Variants in ERBB4 observed in about 807,000 individuals in gnomAD.
The protein encoded by ERBB4 is receptor tyrosine-protein kinase erbB-4.
Under a neutral mutation model 158.0 loss-of-function variants are expected in ERBB4, and 42 were observed. That is an observed-to-expected ratio of 0.27 (90% confidence interval 0.21 to 0.34). ERBB4 has a LOEUF of 0.34. Ranked by LOEUF, ERBB4 falls within the 10% of genes least tolerant of loss-of-function variation. ERBB4 has a pLI of 1.00. For synonymous variants in ERBB4, 583 were observed against 558.7 expected, an observed-to-expected ratio of 1.04 and a Z score of -0.61; for missense variants, 1,333 against 1,624.1, an observed-to-expected ratio of 0.82 and a Z score of 3.08.
intron 3 of ERBB4, among the ~76,000 whole-genome samples, chr2:211,876,548 T>C (rs749274300): frequency 1.3e-5 from 2 of 152,192 alleles, no homozygotes; most frequent in Non-Finnish European, 2.9e-5. Context: ...TCATAGAGAC[T>C]GTGTGTTCGG....
At chr2:211,950,572 C>G in intron 2 of ERBB4, among the ~76,000 whole-genome samples, 1 of 152,086 alleles carries the variant, frequency 6.6e-6, no homozygotes, top group East Asian at 1.9e-4. Context: ...TCTTTCCCCC[C>G]AGTCACACAA....
At chr2:211,848,444 A>G (rs575247324) in intron 3 of ERBB4, among the ~76,000 whole-genome samples, 1 of 152,192 alleles carries the variant, frequency 6.6e-6, no homozygotes, top group East Asian at 1.9e-4. Flanking sequence ...AAATGACACA[A>G]GTCCATTGCT....
chr2:211,835,225 T>C (rs1404849416), intron 3 of ERBB4, among the ~76,000 whole-genome samples: 2 of 152,102 alleles, frequency 1.3e-5, no homozygotes, highest in Admixed American at 1.3e-4. Context: ...TCTTCAAAAG[T>C]TACGCAAAGT....
chr2:211,856,733 T>C (rs896986179), intron 3 of ERBB4, among the ~76,000 whole-genome samples: 2 of 152,178 alleles, frequency 1.3e-5, no homozygotes, highest in Non-Finnish European at 2.9e-5. Context: ...AGCAGACTTC[T>C]GGAGACAGTA....
chr2:212,169,811 TC>T (rs1193393421), intron 1 of ERBB4, among the ~76,000 whole-genome samples: 1 of 152,158 alleles, frequency 6.6e-6, no homozygotes, highest in African/African-American at 2.4e-5. Flanking sequence ...GGTTTCTCCT[TC>T]ACACAGCTCT....
At chr2:212,334,168 A>T (rs2088319093) in intron 1 of ERBB4, among the ~76,000 whole-genome samples, 2 of 151,912 alleles carry the variant, frequency 1.3e-5, no homozygotes, top group Non-Finnish European at 2.9e-5. Flanking sequence ...GCTAGAGTCA[A>T]ATTCTATTAA....
intron 19 of ERBB4, among the ~76,000 whole-genome samples, chr2:211,579,829 G>C (rs55790405): frequency 1.8e-4 from 28 of 152,014 alleles, no homozygotes; most frequent in African/African-American, 2.4e-5. Context: ...AGAACATTAG[G>C]AAAAATAGCT....
intron 1 of ERBB4, among the ~76,000 whole-genome samples, chr2:212,378,843 T>A (rs892815947): frequency 6.6e-6 from 1 of 151,854 alleles, no homozygotes; most frequent in Non-Finnish European, 1.5e-5. Flanking sequence ...GTAGTAGGCA[T>A]TGCCATTTAT....
rs186007390 is a variant in ERBB4, at chr2:212,460,484, T to C, written c.82+77965A>G. Among the ~76,000 whole-genome samples, 12 of 152,272 alleles carry C rather than the reference T, an allele frequency of 7.9e-5. No individual in the cohort carries two copies. In the East Asian group the frequency reaches 2.3e-3, roughly 29 times the overall value. On this transcript the variant is annotated intron_variant, in intron 1 of 27. Coordinates refer to ENST00000342788, the MANE Select transcript of ERBB4 (RefSeq NM_005235.3). ...AGGTCCAGGCTGAGGTGGTCTCAGA[T>C]GGAGATGAGGAACTTCTTGGGAACT...
intron 20 of ERBB4, among the ~76,000 whole-genome samples, chr2:211,509,153 G>T (rs989883203): frequency 6.6e-5 from 7 of 106,664 alleles, no homozygotes; most frequent in Non-Finnish European, 6.4e-5. Context: ...TGGACACAGG[G>T]AGGGGGGAGT....
chr2:211,849,451 T>C (rs957765800), intron 3 of ERBB4, among the ~76,000 whole-genome samples: 1 of 151,982 alleles, frequency 6.6e-6, no homozygotes, highest in Non-Finnish European at 1.5e-5. Context: ...TAGTACCCAA[T>C]TATTATAGTA....
At chr2:211,873,185 CAT>C (rs2106120493) in intron 3 of ERBB4, among the ~76,000 whole-genome samples, 1 of 152,222 alleles carries the variant, frequency 6.6e-6, no homozygotes, top group African/African-American at 2.4e-5. Flanking sequence ...CAGCAGATTT[CAT>C]ATCTCTCCCA....
rs546079095 is a variant in ERBB4 at position 212,325,860 on chromosome 2, A to T, written c.83-200957T>A. On this transcript the variant is annotated intron_variant, in intron 1 of 27. Transcript: ENST00000342788. ...GTATACTGACAAACAAATATAGGAA[A>T]CATTTTTTCCATATTATTTTCCAAA... Among the ~76,000 whole-genome samples, 37 of 150,592 alleles carry T rather than the reference A, an allele frequency of 2.5e-4. 4 individuals carry two copies. The highest frequency in any genetic ancestry group is 1.1e-3 in the South Asian group (5 of 4,690).
chr2:212,391,765 T>G (rs2090878787), intron 1 of ERBB4, among the ~76,000 whole-genome samples: 1 of 143,704 alleles, frequency 7.0e-6, no homozygotes, highest in South Asian at 2.1e-4. Context: ...TTGACATATA[T>G]TATATATATG....
chr2:212,257,614 G>A (rs374560634), intron 1 of ERBB4, among the ~76,000 whole-genome samples: 4 of 152,122 alleles, frequency 2.6e-5, no homozygotes, highest in East Asian at 3.9e-4. Context: ...AGTAAGACCC[G>A]AAACTTTAAC....
intron 3 of ERBB4, among the ~76,000 whole-genome samples, chr2:211,887,152 G>A (rs1382894621): frequency 1.3e-5 from 2 of 151,748 alleles, no homozygotes; most frequent in East Asian, 3.9e-4. Flanking sequence ...CCCAAATCAG[G>A]CTCCTGTACC....
At chr2:212,003,678 T>C (rs1202691661) in intron 2 of ERBB4, among the ~76,000 whole-genome samples, 1 of 152,204 alleles carries the variant, frequency 6.6e-6, no homozygotes, top group Non-Finnish European at 1.5e-5. Flanking sequence ...ATGATGAAAC[T>C]TTTTTGTTAA....
chr2:211,849,110 T>C (rs907979473), intron 3 of ERBB4, among the ~76,000 whole-genome samples: 5 of 152,028 alleles, frequency 3.3e-5, no homozygotes, highest in African/African-American at 1.2e-4. Context: ...AACCAATAAG[T>C]ACAGTGTTTT....
chr2:211,928,945 C>G (rs1386038834), intron 3 of ERBB4, among the ~76,000 whole-genome samples: 2 of 152,104 alleles, frequency 1.3e-5, no homozygotes, highest in African/African-American at 4.8e-5. Flanking sequence ...GTTAAGAGTT[C>G]AAGGGAGTGG....
Sources: gnomAD v4.1 joint callset for allele counts (sites outside exome capture counted in the v4.1 genomes callset) on GRCh38, gnomAD v4.1.1 for gene constraint, MANE v1.5 for transcripts, NCBI Gene and HGNC (gene_info 2026-07-23, HGNC 2026-07-21) for gene names.